The following KRT27 variants were observed in gnomAD, a reference collection of about 807,000 sequenced individuals.
KRT27 encodes keratin 27.
Under a neutral mutation model 45.3 loss-of-function variants are expected in KRT27, and 30 were observed. That is an observed-to-expected ratio of 0.66 (90% confidence interval 0.50 to 0.90). The LOEUF (loss-of-function observed/expected upper bound fraction) is 0.90, where lower values mean the gene tolerates loss of function less well. Ranked by LOEUF, KRT27 falls within the 40% of genes least tolerant of loss-of-function variation. The probability of loss-of-function intolerance (pLI) is 0.00; values close to 1 mark genes in which losing one functional copy is unlikely to be tolerated. For synonymous variants in KRT27, 204 were observed against 223.9 expected (o/e 0.91, Z 0.79); for missense variants, 610 against 564.3 (o/e 1.08, Z -0.82).
chr17:40,779,852 C>T lies in KRT27; in HGVS notation c.694G>A (p.Ala232Thr). The change falls in exon 4 of 8, where the codon GCT (alanine) becomes ACT (threonine). Residue 232 changes from alanine (A) to threonine (T), a missense_variant. Coordinates refer to ENST00000301656, the MANE Select transcript of KRT27 (RefSeq NM_181537.4). ...TTGCCTCCAGCCGCGCACTGAAGAGCTTTCATTTCCTGAAAGATATTTGTT... is the reference window on the plus strand; with the variant it reads ...TTGCCTCCAGCCGCGCACTGAAGAGTTTTCATTTCCTGAAAGATATTTGTT... The part of the protein sequence containing the change: ...LKKNHEEEMK[A>T]LQCAAGGNVN... The T allele has an allele frequency of 2.5e-6, 4 of 1,599,132 alleles. No homozygotes were observed. Among genetic ancestry groups the T allele is most frequent in the Non-Finnish European group, 3.4e-6 (4 of 1,176,044 alleles).
At chr17:40,781,126 G>A in intron 2 of KRT27, 62 bp downstream of exon 2, 2 of 981,204 alleles carry the variant, frequency 2.0e-6, no homozygotes, top group South Asian at 3.0e-5. Context: ...TAACTTAGAA[G>A]AATAAAGGAG....
At position 40,779,746 on chromosome 17, in the gene KRT27, A is replaced by G; in HGVS notation, c.800T>C (p.Leu267Pro). 2 of 1,614,208 alleles carry G rather than the reference A, an allele frequency of 1.2e-6. No homozygotes were observed. The highest frequency in any genetic ancestry group is 1.7e-6 in the Non-Finnish European group (2 of 1,180,024). The change falls in exon 4 of 8, where the codon CTC (leucine) becomes CCC (proline). Residue 267 changes from leucine to proline, a missense_variant. Physicochemically the swap from Leu to Pro is moderately conservative, Grantham distance 98 (BLOSUM62 -3). Transcript: ENST00000301656. ...CGCGTCCCTGCGGTTCTGCTCTGCG[A>G]GGGCTTCGTACTCAGCTCGCATATT... ...LNNMRAEYEA[L>P]AEQNRRDAEA... is the part of the protein sequence containing the mutation.
At chr17:40,781,386 A>T in intron 1 of KRT27, 116 bp from the exon 2 acceptor site, 1 of 631,142 alleles carries the variant, frequency 1.6e-6, no homozygotes, top group Non-Finnish European at 2.8e-6. Flanking sequence ...GTCTCTAATA[A>T]TCAGACCATT....
chr17:40,780,876 T>TAAA (rs1257153005), intron 2 of KRT27, among the ~76,000 whole-genome samples: 27 of 149,504 alleles, frequency 1.8e-4, no homozygotes, highest in African/African-American at 4.4e-4. Context: ...AATAAATAAA[T>TAAA]TAATTAATTA....
At position 40,779,843 on chromosome 17, in the gene KRT27, A is replaced by G. The variant is rs2038295911; in HGVS notation, c.703T>C (p.Cys235Arg). 3.7e-6 allele frequency: 6 copies of G among 1,606,464 alleles called. No homozygotes were observed. The highest frequency in any genetic ancestry group is 5.1e-6 in the Non-Finnish European group (6 of 1,178,136). Residue 235 changes from cysteine to arginine, a missense_variant, in exon 4 of 8, where the codon TGC becomes CGC. Physicochemically the swap from Cys to Arg is radical, Grantham distance 180 (BLOSUM62 -3). Coordinates refer to ENST00000301656, the MANE Select transcript of KRT27 (RefSeq NM_181537.4). ...NHEEEMKALQ[C>R]AAGGNVNVEM... ...ACGTTCACGTTGCCTCCAGCCGCGC[A>G]CTGAAGAGCTTTCATTTCCTGAAAG...
intron 1 of KRT27, 127 bp from the exon 2 acceptor site, chr17:40,781,397 CT>C: frequency 1.7e-6 from 1 of 600,680 alleles, no homozygotes; most frequent in South Asian, 2.1e-5. Flanking sequence ...TCAGACCATT[CT>C]TTTGAAGATG....
At chr17:40,781,970 T>C (rs72824004) in intron 1 of KRT27, 80 bp downstream of exon 1, 199,431 of 1,225,524 alleles carry the variant, frequency 0.16, 17,163 homozygotes, top group South Asian at 0.23. Flanking sequence ...CCTGTTATTG[T>C]GATAGCTTAT....
rs374732055 is a variant in KRT27 at position 40,781,824 on chromosome 17, T to C, written c.444+226A>G. Reference sequence around the variant, plus strand: ...TATAACTGGAGACACTGGACAGCTTTTGATATTTTAATATTACCAAAAGCA... The same window carrying C: ...TATAACTGGAGACACTGGACAGCTTCTGATATTTTAATATTACCAAAAGCA... On this transcript the variant is annotated intron_variant, in intron 1 of 7. Coordinates refer to ENST00000301656, the MANE Select transcript of KRT27 (RefSeq NM_181537.4). Among the ~76,000 whole-genome samples, 384 of 152,340 alleles carry C rather than the reference T, an allele frequency of 2.5e-3. 3 individuals carry two copies. Among genetic ancestry groups the C allele is most frequent in the African/African-American group, 8.9e-3 (371 of 41,564 alleles).
chr17:40,778,533 C>T (rs964866269), intron 5 of KRT27, among the ~76,000 whole-genome samples: 9 of 152,316 alleles, frequency 5.9e-5, no homozygotes, highest in South Asian at 2.1e-4. Context: ...TTAACTTCTT[C>T]GAATCTCAGA....
chr17:40,777,658 C>T lies in KRT27; in HGVS notation c.1047G>A (p.Gln349=). The T allele has an allele frequency of 2.5e-6, 4 of 1,614,128 alleles. No homozygotes were observed. Among genetic ancestry groups the T allele is most frequent in the Non-Finnish European group, 3.4e-6 (4 of 1,180,024 alleles). ...GCAGCTGCTCCTCCAGGGCCCCGAT[C>T]TGAGCCTGGATCTGTGCCAGCTGTG... The part of the protein sequence containing the change: ...YCAQLAQIQA[Q]IGALEEQLHQ... Residue 349 remains glutamine (Q), a synonymous_variant, in exon 6 of 8, where the codon CAG becomes CAA. Coordinates refer to ENST00000301656, the MANE Select transcript of KRT27 (RefSeq NM_181537.4).
chr17:40,781,539 C>G (rs766454506), intron 1 of KRT27, among the ~76,000 whole-genome samples: 3 of 152,242 alleles, frequency 2.0e-5, no homozygotes, highest in Non-Finnish European at 2.9e-5. Flanking sequence ...AAGTGATTCT[C>G]CTGCCTCAGC....
chr17:40,780,349 A>T lies in KRT27; in HGVS notation c.635T>A (p.Leu212Gln), dbSNP rs761465692. ...TLCRTDLEIQ[L>Q]ETLSEELAYL... ...AGCGAGCTCCTCACTGAGAGTTTCC[A>T]GCTGGATCTCCAGGTCCGTTCTGCA... The change falls in exon 3 of 8, where the codon CTG (leucine) becomes CAG (glutamine). Residue 212 changes from leucine to glutamine, a missense_variant. Leu to Gln is a moderately radical substitution (Grantham distance 113). Transcript: ENST00000301656. 6 of 1,612,962 alleles carry T rather than the reference A, an allele frequency of 3.7e-6. No homozygotes were observed. In the South Asian group the frequency reaches 6.6e-5, roughly 18 times the overall value.
Position 40,777,558 on chromosome 17 carries a change from T to C in KRT27, c.1147A>G (p.Lys383Glu). The C allele has an allele frequency of 6.2e-7, 1 of 1,613,972 alleles. No individual in the cohort carries two copies. The highest frequency in any genetic ancestry group is 2.2e-5 in the East Asian group (1 of 44,878). ...AGGAGGCAGTAGGTCTCAATTTCTTTTTCCAGGTGGACCTTGATGTCAAGG... is the reference window on the plus strand; with the variant it reads ...AGGAGGCAGTAGGTCTCAATTTCTTCTTCCAGGTGGACCTTGATGTCAAGG... ...QLLDIKVHLE[K>E]EIETYCLLID... The change falls in exon 6 of 8, where the codon AAA becomes GAA. Residue 383 changes from lysine to glutamate, a missense_variant. Physicochemically the swap from Lys to Glu is moderately conservative, Grantham distance 56. Coordinates refer to ENST00000301656, the MANE Select transcript of KRT27 (RefSeq NM_181537.4).
chr17:40,779,571 C>T lies in KRT27; in HGVS notation c.903G>A (p.Arg301=), dbSNP rs1445826032. Residue 301 remains arginine (R), a synonymous_variant, in exon 5 of 8, where the codon CGG becomes CGA. Transcript: ENST00000301656. ...TGCGTTTCATCTCGATAAGCTCATT[C>T]CGGGCTGAGGTGGTGGCGCCAGCGT... ...SDDAGATTSA[R]NELIEMKRTL... is the part of the protein sequence containing the mutation. The T allele has an allele frequency of 6.2e-7, 1 of 1,614,252 alleles. No homozygotes were observed. Among genetic ancestry groups the T allele is most frequent in the East Asian group, 2.2e-5 (1 of 44,886 alleles).
At position 40,781,975 on chromosome 17, in the gene KRT27, G is replaced by A; in HGVS notation, c.444+75C>T. ...AGGGCAAAGCCCTGTTATTGTGATA[G>A]CTTATACATTTGTGCATCTGTGAGT... On this transcript the variant is annotated intron_variant, in intron 1 of 7. Coordinates refer to ENST00000301656, the MANE Select transcript of KRT27 (RefSeq NM_181537.4). The A allele has an allele frequency of 2.3e-6, 3 of 1,284,512 alleles. No individual in the cohort carries two copies. In the South Asian group the frequency reaches 4.2e-5, roughly 18 times the overall value. 79.6% of individuals were successfully genotyped at this position (1,284,512 alleles called of 1,614,324 possible). A position where few individuals can be genotyped will look rare whatever the true frequency, so the allele number is the denominator to read the frequency against.
At position 40,777,008 on chromosome 17, in the gene KRT27, C is replaced by T. The variant is rs555431535; in HGVS notation, c.1371G>A (p.Val457=). 4.4e-6 allele frequency: 7 copies of T among 1,608,938 alleles called. No homozygotes were observed. In the South Asian group the frequency reaches 5.5e-5, roughly 13 times the overall value. ...TCTCAGAGGCTGGAGTTCAGGAAGA[C>T]ACCCTCTGTTCATTCTTGTTGTTGA... ...TKVNNKNEQR[V]SS is the part of the protein sequence containing the mutation. The change falls in exon 8 of 8, where the codon GTG becomes GTA. Residue 457 remains valine, a synonymous_variant. Coordinates refer to ENST00000301656, the MANE Select transcript of KRT27 (RefSeq NM_181537.4).
chr17:40,781,820 G>A (rs898224207), intron 1 of KRT27, among the ~76,000 whole-genome samples: 1 of 152,132 alleles, frequency 6.6e-6, no homozygotes, highest in Non-Finnish European at 1.5e-5. Flanking sequence ...ACACTGGACA[G>A]CTTTTGATAT....
intron 2 of KRT27, 98 bp downstream of exon 2, chr17:40,781,090 G>A: frequency 1.5e-6 from 1 of 687,336 alleles, no homozygotes; most frequent in East Asian, 2.9e-5. Flanking sequence ...GAATAAACAA[G>A]AACAAAGGCT....
At position 40,779,561 on chromosome 17, in the gene KRT27, T is replaced by G. The variant is rs1438573181; in HGVS notation, c.913A>C (p.Ile305Leu). ...GATTSARNEL[I>L]EMKRTLQTLE... The stretch of plus-strand genomic sequence containing the variant: ...GTTTGAAGAGTGCGTTTCATCTCGA[T>G]AAGCTCATTCCGGGCTGAGGTGGTG... The change falls in exon 5 of 8, where the codon ATC becomes CTC. Residue 305 changes from isoleucine (I) to leucine (L), a missense_variant. Ile to Leu is a conservative substitution (Grantham distance 5, BLOSUM62 2). Transcript: ENST00000301656. 1.2e-6 allele frequency: 2 copies of G among 1,614,142 alleles called. No homozygotes were observed. The highest frequency in any genetic ancestry group is 8.5e-7 in the Non-Finnish European group (1 of 1,180,040).
Sources: allele counts gnomAD v4.1 joint callset (sites outside exome capture counted in the v4.1 genomes callset), GRCh38; gene constraint gnomAD v4.1.1; transcripts MANE v1.5; gene names NCBI Gene and HGNC (gene_info 2026-07-23, HGNC 2026-07-21).